The following CLIP4 variants were observed in gnomAD, a reference collection of about 807,000 sequenced individuals.
The protein encoded by CLIP4 is CAP-Gly domain containing linker protein family member 4.
CLIP4 carries 47 observed loss-of-function variants against 73.1 expected under a neutral mutation model. The observed-to-expected ratio is 0.64, with a 90% CI of 0.51 to 0.82. CLIP4 has a LOEUF of 0.82. Ranked by LOEUF, CLIP4 falls within the 40% of genes least tolerant of loss-of-function variation. CLIP4 has a pLI of 0.00. For synonymous variants in CLIP4, 306 were observed against 295.4 expected (o/e 1.04, Z -0.37); for missense variants, 874 against 852.9 (o/e 1.02, Z -0.31).
chr2:29,152,772 C>G lies in CLIP4; in HGVS notation c.1109C>G (p.Pro370Arg). 18 of 1,613,784 alleles carry G rather than the reference C, an allele frequency of 1.1e-5. No homozygotes were observed. Among genetic ancestry groups the G allele is most frequent in the Non-Finnish European group, 1.3e-5 (15 of 1,179,816 alleles). Residue 370 changes from proline to arginine, a missense_variant, in exon 9 of 16, where the codon CCT becomes CGT. Coordinates refer to ENST00000320081, the MANE Select transcript of CLIP4 (RefSeq NM_024692.6). The stretch of plus-strand genomic sequence containing the variant: ...ACTCCTTCTACAAAAGCTGCTGTAC[C>G]TCTCATCAGGTCCCAGAAAATTGAC... ...THTPSTKAAV[P>R]LIRSQKIDVA...
chr2:29,161,150 T>A (rs979119606), intron 12 of CLIP4, among the ~76,000 whole-genome samples: 2 of 152,124 alleles, frequency 1.3e-5, no homozygotes, highest in Non-Finnish European at 2.9e-5. Context: ...AATTTTGTAT[T>A]TTTAGTAGAG....
At chr2:29,127,411 G>A (rs1258768843) in intron 2 of CLIP4, among the ~76,000 whole-genome samples, 1 of 152,092 alleles carries the variant, frequency 6.6e-6, no homozygotes, top group East Asian at 1.9e-4. Context: ...AGGGGTTGGG[G>A]TAGGGAGAAA....
rs1664816797 is a variant in CLIP4 at position 29,129,335 on chromosome 2, A to G, written c.134-1923A>G. On this transcript the variant is annotated intron_variant, in intron 2 of 15. Transcript: ENST00000320081. Reference sequence around the variant, plus strand: ...AATTACCCAAGTCACATGAACTTGAAAAGCATTTGGATTAGTTCCTATTTT... The same window carrying G: ...AATTACCCAAGTCACATGAACTTGAGAAGCATTTGGATTAGTTCCTATTTT... Among the ~76,000 whole-genome samples, 4 of 152,172 alleles carry G rather than the reference A, an allele frequency of 2.6e-5. No individual in the cohort carries two copies. The South Asian group carries it at 8.3e-4, about 31-fold the overall frequency.
At chr2:29,132,314 GC>G in intron 4 of CLIP4, 69 bp downstream of exon 4, 2 of 1,290,628 alleles carry the variant, frequency 1.5e-6, no homozygotes, top group South Asian at 2.5e-5. Context: ...CTATATTTAT[GC>G]CCATATATTG....
At chr2:29,171,675 C>T (rs535884854) in intron 14 of CLIP4, among the ~76,000 whole-genome samples, 28 of 151,972 alleles carry the variant, frequency 1.8e-4, no homozygotes, top group Admixed American at 3.3e-4. Flanking sequence ...CCCACCACCA[C>T]GCCCGGCTAA....
intron 13 of CLIP4, among the ~76,000 whole-genome samples, chr2:29,165,793 G>C (rs1259376533): frequency 6.6e-6 from 1 of 152,122 alleles, no homozygotes; most frequent in Non-Finnish European, 1.5e-5. Context: ...CTGATTCCTA[G>C]TTCAGTGGTT....
chr2:29,144,798 C>CTTTTTTTTTTT (rs34304199), intron 7 of CLIP4, among the ~76,000 whole-genome samples: 1 of 84,288 alleles, frequency 1.2e-5, no homozygotes, highest in Non-Finnish European at 2.2e-5. Flanking sequence ...AGTTATATCC[C>CTTTTTTTTTTT]TTTTTTTTTT....
intron 14 of CLIP4, chr2:29,167,914 G>A (rs1366170707): frequency 3.2e-5 from 5 of 158,498 alleles, no homozygotes; most frequent in South Asian, 4.1e-4. Context: ...TTAGCATTCC[G>A]TTGAAATATT....
chr2:29,157,311 A>C lies in CLIP4; in HGVS notation c.1363A>C (p.Ser455Arg). The C allele has an allele frequency of 6.2e-7, 1 of 1,614,106 alleles. No homozygotes were observed. The highest frequency in any genetic ancestry group is 2.2e-5 in the East Asian group (1 of 44,878). ...NAISSNKKTM[S>R]KSPSLSSRAS... ...AATCAGCAGTAACAAGAAGACAATG[A>C]GCAAAAGCCCTTCCCTTTCATCCAG... Residue 455 changes from serine (S) to arginine (R), a missense_variant, in exon 11 of 16, where the codon AGC (serine) becomes CGC (arginine). Coordinates refer to ENST00000320081, the MANE Select transcript of CLIP4 (RefSeq NM_024692.6).
intron 4 of CLIP4, chr2:29,132,576 C>A (rs1665053805): frequency 4.2e-6 from 1 of 239,350 alleles, no homozygotes; most frequent in African/African-American, 2.2e-5. Context: ...CATACTGATC[C>A]CTAATCTTAA....
intron 2 of CLIP4, among the ~76,000 whole-genome samples, chr2:29,125,208 C>T (rs938247924): frequency 6.6e-6 from 1 of 152,164 alleles, no homozygotes; most frequent in Non-Finnish European, 1.5e-5. Flanking sequence ...GGTCCCCCTA[C>T]CCCGGCCCCT....
At chr2:29,157,533 T>C (rs1379592409) in intron 11 of CLIP4, 186 bp downstream of exon 11, 7 of 782,358 alleles carry the variant, frequency 8.9e-6, no homozygotes, top group Non-Finnish European at 1.4e-5. Flanking sequence ...GTCTCAGATA[T>C]AAGACTTTGC....
intron 5 of CLIP4, among the ~76,000 whole-genome samples, 156 bp downstream of exon 5, chr2:29,133,972 TTGAG>T (rs1282635121): frequency 6.6e-6 from 1 of 152,220 alleles, no homozygotes; most frequent in Non-Finnish European, 1.5e-5. Flanking sequence ...AATTTCTTTA[TTGAG>T]TATTAATTAC....
At chr2:29,174,968 C>T (rs978847815) in intron 15 of CLIP4, among the ~76,000 whole-genome samples, 4 of 152,126 alleles carry the variant, frequency 2.6e-5, no homozygotes, top group Non-Finnish European at 5.9e-5. Context: ...CACTACCCCC[C>T]ATTGGTTTTC....
intron 2 of CLIP4, chr2:29,130,737 C>T (rs912648918): frequency 2.4e-6 from 3 of 1,249,326 alleles, no homozygotes; most frequent in Non-Finnish European, 3.1e-6. Context: ...TTTGGTGCCT[C>T]TCATCTTTTA....
At chr2:29,101,434 A>C (rs958845555) in intron 1 of CLIP4, among the ~76,000 whole-genome samples, 1 of 152,138 alleles carries the variant, frequency 6.6e-6, no homozygotes, top group Non-Finnish European at 1.5e-5. Flanking sequence ...AATGGAGTCT[A>C]ATGTTCAAGG....
At chr2:29,138,873 G>A (rs1665561672) in intron 6 of CLIP4, among the ~76,000 whole-genome samples, 1 of 152,086 alleles carries the variant, frequency 6.6e-6, no homozygotes, top group African/African-American at 2.4e-5. Context: ...TACTGAAGTT[G>A]TTTATCAGGT....
chr2:29,128,862 G>A (rs1466933587), intron 2 of CLIP4, among the ~76,000 whole-genome samples: 1 of 151,938 alleles, frequency 6.6e-6, no homozygotes, highest in Non-Finnish European at 1.5e-5. Flanking sequence ...AGAAATCTAT[G>A]TAAATACACC....
chr2:29,133,558 ACT>A (rs1665130921), intron 4 of CLIP4, 95 bp from the exon 5 acceptor site: 1 of 1,113,228 alleles, frequency 9.0e-7, no homozygotes. Flanking sequence ...TATACAGTGC[ACT>A]GTTTGCTTTG....
Sources: gnomAD v4.1 joint callset for allele counts (sites outside exome capture counted in the v4.1 genomes callset) on GRCh38, gnomAD v4.1.1 for gene constraint, MANE v1.5 for transcripts, NCBI Gene and HGNC (gene_info 2026-07-23, HGNC 2026-07-21) for gene names.